The following METTL9 variants were observed in gnomAD, a reference collection of about 807,000 sequenced individuals.
METTL9 encodes the protein protein-L-histidine N-pros-methyltransferase.
Under a neutral mutation model 36.0 loss-of-function variants are expected in METTL9, and 10 were observed. The ratio of observed to expected loss-of-function variants is 0.28; its 90% CI spans 0.17 to 0.47. METTL9 has a LOEUF of 0.47. Among genes scored for constraint, METTL9 ranks in the 20% least tolerant of loss-of-function variants. The probability of loss-of-function intolerance (pLI) is 0.99; values close to 1 mark genes in which losing one functional copy is unlikely to be tolerated. For synonymous variants in METTL9, 175 were observed against 149.7 expected, an observed-to-expected ratio of 1.17 and a Z score of -1.23; for missense variants, 246 against 383.5, an observed-to-expected ratio of 0.64 and a Z score of 3.00.
At chr16:21,653,916 G>A (rs992589927) in intron 4 of METTL9, 3 of 152,136 alleles carry the variant, frequency 2.0e-5, no homozygotes, top group Admixed American at 1.3e-4. Context: ...CATGGGAAGA[G>A]CGTCATCTGC....
chr16:21,645,608 G>T (rs1022722967), intron 4 of METTL9, among the ~76,000 whole-genome samples: 1 of 152,212 alleles, frequency 6.6e-6, no homozygotes, highest in African/African-American at 2.4e-5. Flanking sequence ...CTGTAGAAGA[G>T]ACAGGAAGTT....
chr16:21,646,380 C>G (rs1966430502), intron 4 of METTL9: 1 of 152,176 alleles, frequency 6.6e-6, no homozygotes, highest in African/African-American at 2.4e-5. Context: ...CAAATCTGTG[C>G]TTATTCTCCA....
chr16:21,627,032 T>C (rs746003142), intron 4 of METTL9: 93 of 985,222 alleles, frequency 9.4e-5, no homozygotes, highest in Non-Finnish European at 1.1e-4. Context: ...GCCTGTTGAG[T>C]CTGAGGAGTC....
At chr16:21,624,414 A>G (rs1205592644) in intron 3 of METTL9, among the ~76,000 whole-genome samples, 1 of 152,172 alleles carries the variant, frequency 6.6e-6, no homozygotes, top group Non-Finnish European at 1.5e-5. Context: ...AGATTTGGAA[A>G]TAGGTGAAAT....
intron 1 of METTL9, among the ~76,000 whole-genome samples, chr16:21,600,178 C>T (rs12930048): frequency 0.073 from 11,087 of 152,168 alleles, 592 homozygotes; most frequent in South Asian, 0.2. Context: ...CGCATTGTTC[C>T]TGGGTCCCGG....
intron 1 of METTL9, among the ~76,000 whole-genome samples, chr16:21,606,132 C>A (rs1274235510): frequency 2.0e-5 from 3 of 152,034 alleles, no homozygotes; most frequent in Non-Finnish European, 4.4e-5. Flanking sequence ...GTCAGGAGAT[C>A]AAGACCATCC....
At chr16:21,613,353 T>A (rs1965481645) in intron 2 of METTL9, among the ~76,000 whole-genome samples, 1 of 151,754 alleles carries the variant, frequency 6.6e-6, no homozygotes, top group Non-Finnish European at 1.5e-5. Flanking sequence ...CTGTCTAATT[T>A]TTGTATTTTT....
chr16:21,625,769 TGTGGTTTGC>T (rs1333500566), intron 4 of METTL9, among the ~76,000 whole-genome samples: 1 of 152,174 alleles, frequency 6.6e-6, no homozygotes, highest in Non-Finnish European at 1.5e-5. Context: ...TTTTAGTTTG[TGTGGTTTGC>T]ATTTTAGGTC....
intron 1 of METTL9, among the ~76,000 whole-genome samples, chr16:21,603,449 T>C (rs1046915749): frequency 6.6e-6 from 1 of 152,170 alleles, no homozygotes; most frequent in Non-Finnish European, 1.5e-5. Flanking sequence ...TCCAACAGCA[T>C]ATTCTTAATC....
chr16:21,648,647 T>C (rs1966488980), intron 4 of METTL9, among the ~76,000 whole-genome samples: 1 of 152,190 alleles, frequency 6.6e-6, no homozygotes, highest in Non-Finnish European at 1.5e-5. Context: ...GGAAAGCCAC[T>C]CGAGTGCACA....
intron 4 of METTL9, chr16:21,642,150 T>C (rs1411760933): frequency 6.6e-6 from 1 of 152,144 alleles, no homozygotes; most frequent in African/African-American, 2.4e-5. Context: ...CGTGAAGCGT[T>C]CCATATTTTT....
intron 4 of METTL9, chr16:21,627,187 A>G: frequency 3.0e-6 from 3 of 985,334 alleles, no homozygotes; most frequent in Non-Finnish European, 3.6e-6. Context: ...GATGATTTCC[A>G]TGTGAAACCA....
intron 4 of METTL9, chr16:21,643,575 G>A: frequency 6.2e-7 from 1 of 1,606,470 alleles, no homozygotes; most frequent in Non-Finnish European, 8.5e-7. Context: ...TTATTTCTTT[G>A]TTTCTTAGAG....
At position 21,602,075 on chromosome 16, in the gene METTL9, G is replaced by C. The variant is rs1032670251; in HGVS notation, c.165+2177G>C. 5.9e-5 allele frequency among the ~76,000 whole-genome samples: 9 copies of C among 152,106 alleles called. No individual in the cohort carries two copies. In the East Asian group the frequency reaches 1.2e-3, roughly 20 times the overall value. The stretch of plus-strand genomic sequence containing the variant: ...GGTTTGCCTTATAACTTCGTTGCTT[G>C]TGAAGTAACTGTAACTGTTTTTCCT... On this transcript the variant is annotated intron_variant, in intron 1 of 4. Transcript: ENST00000358154.
chr16:21,599,742 G>A lies in METTL9; in HGVS notation c.9G>A (p.Leu3=). Residue 3 remains leucine, a synonymous_variant, in exon 1 of 5, where the codon CTG becomes CTA. Coordinates refer to ENST00000358154, the MANE Select transcript of METTL9 (RefSeq NM_016025.5). This position sits in a 1 kb window ranked among gnomAD's most constrained non-coding sequence, Gnocchi z 4.4. ...AGCGGCCGCGGCCCCCGATGAGACT[G>A]CTGGCGGGCTGGCTGTGCCTGAGCC... is the stretch of plus-strand genomic sequence containing the variant. MR[L]LAGWLCLSLA... 1.3e-6 allele frequency: 2 copies of A among 1,520,526 alleles called. No individual in the cohort carries two copies. Among genetic ancestry groups the A allele is most frequent in the Non-Finnish European group, 1.8e-6 (2 of 1,142,518 alleles). 94.2% of individuals were successfully genotyped at this position (1,520,526 alleles called of 1,614,324 possible).
intron 4 of METTL9, among the ~76,000 whole-genome samples, chr16:21,636,269 G>A (rs1966088923): frequency 6.6e-6 from 1 of 152,262 alleles, no homozygotes. Context: ...GCTTTTCTAA[G>A]GAGGGATCCT....
At chr16:21,624,489 G>A (rs1401325472) in intron 3 of METTL9, among the ~76,000 whole-genome samples, 2 of 152,162 alleles carry the variant, frequency 1.3e-5, no homozygotes, top group Non-Finnish European at 2.9e-5. Flanking sequence ...CACTTTGGGA[G>A]GCCGAGGCAG....
intron 3 of METTL9, among the ~76,000 whole-genome samples, chr16:21,621,691 G>A (rs571475962): frequency 6.6e-6 from 1 of 152,066 alleles, no homozygotes; most frequent in Non-Finnish European, 1.5e-5. Flanking sequence ...CTTTGTATTC[G>A]CAAGTTGTCA....
intron 1 of METTL9, among the ~76,000 whole-genome samples, chr16:21,602,048 T>A (rs1334211582): frequency 6.6e-6 from 1 of 152,166 alleles, no homozygotes; most frequent in East Asian, 1.9e-4. Context: ...TCCAGGATCC[T>A]GGGTTTGCCT....
Sources: allele counts gnomAD v4.1 joint callset (sites outside exome capture counted in the v4.1 genomes callset), GRCh38; gene constraint gnomAD v4.1.1; non-coding constraint Gnocchi (gnomAD v3.1); transcripts MANE v1.5; gene names NCBI Gene and HGNC (gene_info 2026-07-23, HGNC 2026-07-21).